Variants in HOMER2 observed in about 807,000 individuals in gnomAD.
HOMER2 encodes homer scaffold protein 2, also known as homer protein homolog 2.
A neutral mutation model predicts 47.0 loss-of-function variants in HOMER2; 27 were observed. The observed-to-expected ratio is 0.57, with a 90% CI of 0.42 to 0.79. The LOEUF (loss-of-function observed/expected upper bound fraction) is 0.79. Among genes scored for constraint, HOMER2 ranks in the 30% least tolerant of loss-of-function variants. The pLI is 0.00. For missense variants in HOMER2, 443 were observed against 435.0 expected (o/e 1.02, Z -0.16); for synonymous variants, 161 against 163.8 (o/e 0.98, Z 0.13).
In HOMER2 at chr15:82,895,638, C is replaced by A. The variant is rs576556468; in HGVS notation, c.6-2797G>T. Among the ~76,000 whole-genome samples, 70 of 152,324 alleles carry A rather than the reference C, an allele frequency of 4.6e-4. 1 individual carries two copies. Among genetic ancestry groups the A allele is most frequent in the African/African-American group, 1.7e-3 (69 of 41,568 alleles). On this transcript the variant is annotated intron_variant, in intron 1 of 8. Transcript: ENST00000450735. ...ATCAAATTATGCCTCATTGTCAGAG[C>A]ACTAAATGGGCTGGGCTGGGGGCCC...
At chr15:82,973,970 G>A (rs1033547671) in intron 1 of HOMER2, among the ~76,000 whole-genome samples, 11 of 152,288 alleles carry the variant, frequency 7.2e-5, no homozygotes, top group African/African-American at 2.4e-4. Flanking sequence ...GGAGGCTGAG[G>A]CAGGAGAATC....
chr15:82,865,665 A>C (rs1178265932), intron 3 of HOMER2, among the ~76,000 whole-genome samples: 1 of 152,212 alleles, frequency 6.6e-6, no homozygotes. Context: ...CTTTGGCAGG[A>C]TCCCCATGCT....
At chr15:82,872,646 CA>C (rs2052215076) in intron 3 of HOMER2, among the ~76,000 whole-genome samples, 1 of 152,224 alleles carries the variant, frequency 6.6e-6, no homozygotes, top group Non-Finnish European at 1.5e-5. Context: ...ACTCCATCAA[CA>C]GTGAACTCTC....
At chr15:82,962,963 A>G (rs2054644187) in intron 1 of HOMER2, among the ~76,000 whole-genome samples, 1 of 152,182 alleles carries the variant, frequency 6.6e-6, no homozygotes, top group African/African-American at 2.4e-5. Flanking sequence ...CTAAAAGCCC[A>G]AAGACCCTAA....
At chr15:82,953,667 A>G (rs1404773889), upstream of HOMER2, among the ~76,000 whole-genome samples, 1 of 152,144 alleles carries the variant, frequency 6.6e-6, no homozygotes, top group African/African-American at 2.4e-5. Context: ...AGGTCTGGAG[A>G]TCGAGGCCAT....
At chr15:82,941,261 T>C (rs996942108) in intron 1 of HOMER2, among the ~76,000 whole-genome samples, 1 of 151,682 alleles carries the variant, frequency 6.6e-6, no homozygotes, top group African/African-American at 2.4e-5. Context: ...CTGACCAACA[T>C]GATGAAACCC....
At chr15:82,948,512 G>A (rs542436691) in intron 1 of HOMER2, among the ~76,000 whole-genome samples, 1 of 152,194 alleles carries the variant, frequency 6.6e-6, no homozygotes, top group Non-Finnish European at 1.5e-5. Flanking sequence ...GCAGTGAGCA[G>A]AGACCGTGCC....
exon 2 of HOMER2, chr15:82,841,141 A>G (rs2051171943): frequency 6.6e-6 from 1 of 152,194 alleles, no homozygotes; most frequent in Admixed American, 6.5e-5. Context: ...TTGTAGAAAA[A>G]TCAGAAAGTA....
chr15:82,849,835 G>C lies in HOMER2; in HGVS notation c.912C>G (p.Ser304Arg), dbSNP rs938587259. ...CCTTCAGGTGGCGCTGTCGGTATTT[G>C]CTCTCCTCAATGTCTGTCTTTAAGG... ...VRSLKTDIEE[S>R]KYRQRHLKVE... Residue 304 changes from serine to arginine, a missense_variant, in exon 9 of 9, where the codon AGC (serine) becomes AGG (arginine). Ser to Arg is a moderately radical substitution (Grantham distance 110). Coordinates refer to ENST00000450735, the MANE Select transcript of HOMER2 (RefSeq NM_004839.4). 6 of 1,613,862 alleles carry C rather than the reference G, an allele frequency of 3.7e-6. No homozygotes were observed. The highest frequency in any genetic ancestry group is 5.1e-6 in the Non-Finnish European group (6 of 1,179,870).
chr15:82,841,601 A>G (rs1405958901), exon 2 of HOMER2: 1 of 152,208 alleles, frequency 6.6e-6, no homozygotes, highest in African/African-American at 2.4e-5. Context: ...ACATTGTTCT[A>G]AAAGTACCAG....
chr15:82,929,215 G>C (rs1226363709), intron 1 of HOMER2, among the ~76,000 whole-genome samples: 1 of 152,078 alleles, frequency 6.6e-6, no homozygotes, highest in Admixed American at 6.5e-5. Context: ...AGAAGTGATC[G>C]TAATATACAA....
intron 1 of HOMER2, among the ~76,000 whole-genome samples, chr15:82,910,295 G>T (rs942787989): frequency 6.6e-6 from 1 of 152,160 alleles, no homozygotes; most frequent in Non-Finnish European, 1.5e-5. Context: ...TCGTGGGTTG[G>T]TAAGAATTTA....
chr15:82,929,707 C>CTAACTG (rs1418505249), intron 1 of HOMER2, among the ~76,000 whole-genome samples: 1 of 150,764 alleles, frequency 6.6e-6, no homozygotes, highest in Non-Finnish European at 1.5e-5. Context: ...AGCCTCCACC[C>CTAACTG]TGTTACAGGT....
At position 82,910,477 on chromosome 15, in the gene HOMER2, G is replaced by A. The variant is rs182862069; in HGVS notation, c.6-17636C>T. ...GGGTAATTTGGACCATACTAGCCAC[G>A]TAGGTCATGATAAATGATTACATCT... is the stretch of plus-strand genomic sequence containing the variant. On this transcript the variant is annotated intron_variant, in intron 1 of 8. Coordinates refer to ENST00000450735, the MANE Select transcript of HOMER2 (RefSeq NM_004839.4). Among the ~76,000 whole-genome samples the A allele has an allele frequency of 2.9e-3, 440 of 152,282 alleles. 3 individuals carry two copies. Among genetic ancestry groups the A allele is most frequent in the African/African-American group, 9.7e-3 (405 of 41,552 alleles).
chr15:82,923,482 G>A (rs1165797963), intron 1 of HOMER2, among the ~76,000 whole-genome samples: 16 of 137,832 alleles, frequency 1.2e-4, no homozygotes, highest in Non-Finnish European at 1.8e-4. Context: ...GCAAGAGTCC[G>A]TCTCAAAAAA....
rs2052756157 is a variant in HOMER2, at chr15:82,892,757, C to T, written c.90G>A (p.Gln30=). ...CATAGAAGTAGGAAACGGTGACCGC[C>T]TGCTTGCTCGCAGGCATCCAGTTCT... The part of the protein sequence containing the change: ...TKKNWMPASK[Q]AVTVSYFYDV... Residue 30 remains glutamine, a synonymous_variant, in exon 2 of 9, where the codon CAG becomes CAA. Transcript: ENST00000450735. 6.2e-7 allele frequency: 1 copy of T among 1,606,534 alleles called. No individual in the cohort carries two copies. Among genetic ancestry groups the T allele is most frequent in the Non-Finnish European group, 8.5e-7 (1 of 1,174,788 alleles).
chr15:82,983,601 T>G (rs1596392371), intron 1 of HOMER2, among the ~76,000 whole-genome samples: 1 of 152,248 alleles, frequency 6.6e-6, no homozygotes, highest in East Asian at 1.9e-4. Context: ...TCTTTCTTTT[T>G]TTTTTTAGAT....
intron 5 of HOMER2, among the ~76,000 whole-genome samples, chr15:82,856,700 G>A (rs909003160): frequency 6.6e-6 from 1 of 152,210 alleles, no homozygotes; most frequent in South Asian, 2.1e-4. Flanking sequence ...TCTGTCCTTT[G>A]AAGTACCTGA....
At chr15:82,894,777 C>A (rs1297932434) in intron 1 of HOMER2, among the ~76,000 whole-genome samples, 2 of 148,252 alleles carry the variant, frequency 1.3e-5, no homozygotes, top group African/African-American at 5.0e-5. Flanking sequence ...TTTTTTAAAT[C>A]TTTACAATGT....
Sources: gnomAD v4.1 joint callset for allele counts (sites outside exome capture counted in the v4.1 genomes callset) on GRCh38, gnomAD v4.1.1 for gene constraint, MANE v1.5 for transcripts, NCBI Gene and HGNC (gene_info 2026-07-23, HGNC 2026-07-21) for gene names.